The following PCDHGA2 variants were observed in gnomAD, a reference collection of about 807,000 sequenced individuals.
The protein encoded by PCDHGA2 is protocadherin gamma-A2.
PCDHGA2 carries 40 observed loss-of-function variants against 59.2 expected under a neutral mutation model. The ratio of observed to expected loss-of-function variants is 0.68; its 90% CI spans 0.52 to 0.88. The LOEUF (loss-of-function observed/expected upper bound fraction) is 0.88. PCDHGA2 is among the 40% of genes least tolerant of loss of function. PCDHGA2 has a pLI of 0.00. For missense variants in PCDHGA2, 1,226 were observed against 1,204.0 expected (o/e 1.02, Z -0.27); for synonymous variants, 560 against 526.0 (o/e 1.06, Z -0.89).
At position 141,505,629 on chromosome 5, in the gene PCDHGA2, C is replaced by T. The variant is rs1475582931; in HGVS notation, c.2572+148C>T. 7.4e-6 allele frequency: 11 copies of T among 1,482,192 alleles called. No individual in the cohort carries two copies. The African/African-American group carries it at 9.8e-5, about 13-fold the overall frequency. The allele number at this position is 1,482,192 out of a possible 1,614,324, so 91.8% of individuals were successfully genotyped here. ...GTCTGAAAGGACCCACAATTCCAAACATAAAGCCTGGAATTGTGGCTAAGG... is the reference window on the plus strand; with the variant it reads ...GTCTGAAAGGACCCACAATTCCAAATATAAAGCCTGGAATTGTGGCTAAGG... On this transcript the variant is annotated intron_variant, in intron 3 of 3. Coordinates refer to ENST00000394576, the MANE Select transcript of PCDHGA2 (RefSeq NM_018915.4).
chr5:141,363,612 G>T (rs961880726), intron 1 of PCDHGA2, among the ~76,000 whole-genome samples: 11 of 152,222 alleles, frequency 7.2e-5, no homozygotes, highest in Admixed American at 3.3e-4. Flanking sequence ...GTCTGAGATA[G>T]TGGAGAGACT....
In PCDHGA2 at chr5:141,491,942, C is replaced by A; in HGVS notation, c.2425-2865C>A. The A allele has an allele frequency of 8.9e-7, 1 of 1,122,490 alleles. No individual in the cohort carries two copies. The highest frequency in any genetic ancestry group is 1.2e-6 in the Non-Finnish European group (1 of 824,374). 69.5% of individuals were successfully genotyped at this position (1,122,490 alleles called of 1,614,324 possible). The stretch of plus-strand genomic sequence containing the variant: ...GGCGAGGGGAGGTGGGACCGACCCC[C>A]ACCCCTACACTCAAAAAAGGCCGGG... On this transcript the variant is annotated intron_variant, in intron 1 of 3. Transcript: ENST00000394576. The surrounding 1 kb of genome is among the most constrained non-coding windows in gnomAD (Gnocchi z 6.9).
intron 1 of PCDHGA2, chr5:141,484,889 T>C (rs2099602721): frequency 2.8e-6 from 1 of 363,070 alleles, no homozygotes. Flanking sequence ...GTGGGCTTTT[T>C]CCCCTCCAAT....
intron 1 of PCDHGA2, chr5:141,394,791 C>G (rs919264078): frequency 6.2e-7 from 1 of 1,613,736 alleles, no homozygotes. Flanking sequence ...CACTGTCACG[C>G]TCACCGTAGC....
intron 1 of PCDHGA2, chr5:141,393,911 T>C: frequency 3.7e-6 from 6 of 1,614,002 alleles, no homozygotes; most frequent in Non-Finnish European, 5.1e-6. Context: ...GGACAGTAAT[T>C]GCCTTCTTGA....
chr5:141,505,334 G>T, intron 2 of PCDHGA2, 59 bp from the exon 3 acceptor site: 1 of 1,611,326 alleles, frequency 6.2e-7, no homozygotes, highest in Non-Finnish European at 8.5e-7. Context: ...GAGAGGACAG[G>T]AGGGGCATGA....
Position 141,511,178 on chromosome 5 carries a change from G to A in PCDHGA2, c.*5G>A. The A allele has an allele frequency of 6.2e-7, 1 of 1,614,090 alleles. No homozygotes were observed. Among genetic ancestry groups the A allele is most frequent in the South Asian group, 1.1e-5 (1 of 91,074 alleles). On this transcript the variant is annotated 3_prime_UTR_variant, in exon 4 of 4. Coordinates refer to ENST00000394576, the MANE Select transcript of PCDHGA2 (RefSeq NM_018915.4). ...GGCAAGAAGGAGAAGAAGTAACATG[G>A]AGGCCAGGCCAAGAGCCACAGGGCG...
At chr5:141,459,137 G>C (rs1336232891) in intron 1 of PCDHGA2, among the ~76,000 whole-genome samples, 1 of 152,190 alleles carries the variant, frequency 6.6e-6, no homozygotes, top group Non-Finnish European at 1.5e-5. Context: ...TAACCACCAT[G>C]CAATCAAAAT....
chr5:141,439,118 G>A (rs1293542421), intron 1 of PCDHGA2, among the ~76,000 whole-genome samples: 3 of 151,390 alleles, frequency 2.0e-5, no homozygotes, highest in Non-Finnish European at 4.4e-5. Flanking sequence ...ACTTGAACCC[G>A]GGAGACAGAG....
intron 1 of PCDHGA2, chr5:141,419,908 C>T: frequency 1.2e-6 from 2 of 1,613,976 alleles, no homozygotes; most frequent in Non-Finnish European, 1.7e-6. Context: ...CACCCTCTGA[C>T]TCCCAGGCTG....
At chr5:141,433,208 C>T (rs780155661) in intron 1 of PCDHGA2, 90 of 1,293,816 alleles carry the variant, frequency 7.0e-5, no homozygotes, top group Middle Eastern at 5.9e-4. Flanking sequence ...AATCTTCTTT[C>T]TTTTTTTTTT....
At chr5:141,403,102 G>T (rs765706858) in intron 1 of PCDHGA2, 1 of 1,614,046 alleles carries the variant, frequency 6.2e-7, no homozygotes, top group Admixed American at 1.7e-5. Context: ...ACATCTCCAA[G>T]GACCTGGCTC....
rs2098098668 is a variant in PCDHGA2, at chr5:141,439,210, T to C, written c.2425-55597T>C. Among the ~76,000 whole-genome samples the C allele has an allele frequency of 4.0e-5, 6 of 150,296 alleles. No homozygotes were observed. The Middle Eastern group carries it at 0.014, about 343-fold the overall frequency. On this transcript the variant is annotated intron_variant, in intron 1 of 3. Transcript: ENST00000394576. The stretch of plus-strand genomic sequence containing the variant: ...TCTGACAAAAAAAAAAAAAAATCCA[T>C]ATGTGAAAATTCTTAGAAGCTTCCT...
intron 1 of PCDHGA2, chr5:141,375,931 T>G (rs746995876): frequency 2.5e-6 from 4 of 1,613,540 alleles, no homozygotes; most frequent in Non-Finnish European, 3.4e-6. Context: ...AGCCAGGACT[T>G]TTCTCAGTGG....
chr5:141,370,656 G>C, intron 1 of PCDHGA2: 1 of 1,613,852 alleles, frequency 6.2e-7, no homozygotes, highest in South Asian at 1.1e-5. Flanking sequence ...ACTTGTGAGC[G>C]ACCGTATAGA....
chr5:141,381,835 T>TCTTTCTTCTTC (rs1561589443), intron 1 of PCDHGA2, among the ~76,000 whole-genome samples: 174 of 141,116 alleles, frequency 1.2e-3, no homozygotes, highest in African/African-American at 4.6e-3. Flanking sequence ...TCTTTTTTTT[T>TCTTTCTTCTTC]TTTTTTTTTT....
intron 1 of PCDHGA2, chr5:141,420,114 A>G: frequency 6.2e-7 from 1 of 1,614,032 alleles, no homozygotes; most frequent in Non-Finnish European, 8.5e-7. Context: ...CCCTATGCCT[A>G]TAATTTTTGT....
chr5:141,451,112 G>A (rs776356458), intron 1 of PCDHGA2, among the ~76,000 whole-genome samples: 9 of 152,236 alleles, frequency 5.9e-5, no homozygotes, highest in Admixed American at 1.3e-4. Flanking sequence ...ACAGGCGTGA[G>A]CCACCACACC....
At chr5:141,343,108 C>T (rs756281525) in intron 1 of PCDHGA2, 2 of 182,480 alleles carry the variant, frequency 1.1e-5, no homozygotes, top group African/African-American at 2.4e-5. Context: ...CACTGCAATT[C>T]CCTGTTTGCT....
Sources: allele counts gnomAD v4.1 joint callset (sites outside exome capture counted in the v4.1 genomes callset), GRCh38; gene constraint gnomAD v4.1.1; non-coding constraint Gnocchi (gnomAD v3.1); transcripts MANE v1.5; gene names NCBI Gene and HGNC (gene_info 2026-07-23, HGNC 2026-07-21).